The following DPY19L2 variants were observed in gnomAD, a reference collection of about 807,000 sequenced individuals.
DPY19L2 encodes probable C-mannosyltransferase DPY19L2.
In DPY19L2, 34 loss-of-function variants were observed where a neutral mutation model predicts 97.9. That is an observed-to-expected ratio of 0.35 (90% confidence interval 0.26 to 0.46). The LOEUF is 0.46. Among genes scored for constraint, DPY19L2 ranks in the 20% least tolerant of loss-of-function variants. The pLI is 1.00. For synonymous variants in DPY19L2, 230 were observed against 307.9 expected (o/e 0.75, Z 2.65); for missense variants, 623 against 911.4 (o/e 0.68, Z 4.07).
chr12:63,630,669 G>A (rs1890447830), intron 6 of DPY19L2, among the ~76,000 whole-genome samples: 1 of 151,748 alleles, frequency 6.6e-6, no homozygotes, highest in Non-Finnish European at 1.5e-5. Flanking sequence ...GAGACAGAAA[G>A]TTAACAAGGA....
intron 3 of DPY19L2, among the ~76,000 whole-genome samples, chr12:63,663,255 A>G (rs1189066668): frequency 1.3e-5 from 2 of 152,148 alleles, no homozygotes; most frequent in African/African-American, 2.4e-5. Context: ...TCCTCACAAT[A>G]ATTATGTGAG....
At chr12:63,621,631 C>G (rs1028729585) in intron 8 of DPY19L2, among the ~76,000 whole-genome samples, 5 of 152,114 alleles carry the variant, frequency 3.3e-5, no homozygotes, top group Non-Finnish European at 7.4e-5. Flanking sequence ...TTTATTACTC[C>G]AGCAAGGAGG....
chr12:63,585,338 T>C (rs118189396), intron 16 of DPY19L2, among the ~76,000 whole-genome samples: 4,494 of 152,250 alleles, frequency 0.03, 104 homozygotes, highest in Middle Eastern at 0.082. Context: ...CAGAGACTCA[T>C]AGGTTTTTTA....
Position 63,668,234 on chromosome 12 carries a change from A to G in DPY19L2, c.160T>C (p.Ser54Pro), listed in dbSNP as rs1275192442. Residue 54 changes from serine (S) to proline (P), a missense_variant, in exon 1 of 22, where the codon TCC (serine) becomes CCC (proline). Ser to Pro is a moderately conservative substitution (Grantham distance 74). Transcript: ENST00000324472. ...GGKLPRGSWRSSPGRIQSLKE... is the reference protein window; with the variant it reads ...GGKLPRGSWRPSPGRIQSLKE... ...AGACTTTGGATCCTCCCCGGGGAGG[A>G]CCTCCAGGAGCCCCTTGGCAGTTTC... The G allele has an allele frequency of 1.9e-6, 3 of 1,612,580 alleles. No homozygotes were observed. Among genetic ancestry groups the G allele is most frequent in the African/African-American group, 1.3e-5 (1 of 74,426 alleles).
chr12:63,579,673 G>A (rs2137352042), intron 19 of DPY19L2, among the ~76,000 whole-genome samples: 1 of 152,254 alleles, frequency 6.6e-6, no homozygotes, highest in East Asian at 1.9e-4. Context: ...AGTAAAGAAA[G>A]GGAGTGATTA....
chr12:63,655,744 C>CG (rs74902711), intron 4 of DPY19L2, among the ~76,000 whole-genome samples: 38,325 of 144,396 alleles, frequency 0.27, 5,095 homozygotes, highest in East Asian at 0.47. Flanking sequence ...AAGGAAGGGT[C>CG]GGGGGGTGGG....
At chr12:63,649,649 A>G (rs1314992733) in intron 4 of DPY19L2, among the ~76,000 whole-genome samples, 1 of 152,152 alleles carries the variant, frequency 6.6e-6, no homozygotes, top group Non-Finnish European at 1.5e-5. Context: ...AACCCTGAAT[A>G]GACCAATAAC....
In DPY19L2 at chr12:63,668,345, T is replaced by C; in HGVS notation, c.49A>G (p.Ser17Gly). The change falls in exon 1 of 22, where the codon AGC becomes GGC. Residue 17 changes from serine to glycine, a missense_variant. This residue lies in a region of DPY19L2 where 144 missense variants were observed against 119.4 expected (regional missense o/e 1.21). Transcript: ENST00000324472. The part of the protein sequence containing the change: ...SSKRLQSSGR[S>G]QSKGRRGASL... ...GCCCCGCGCCGCCCCTTAGACTGGCTGCGGCCGGAAGATTGCAGCCGCTTT... is the reference window on the plus strand; with the variant it reads ...GCCCCGCGCCGCCCCTTAGACTGGCCGCGGCCGGAAGATTGCAGCCGCTTT... 1 of 1,613,546 alleles carries C rather than the reference T, an allele frequency of 6.2e-7. No homozygotes were observed. The highest frequency in any genetic ancestry group is 8.5e-7 in the Non-Finnish European group (1 of 1,179,862).
At chr12:63,568,010 C>CT (rs1328848261) in intron 21 of DPY19L2, among the ~76,000 whole-genome samples, 3 of 151,838 alleles carry the variant, frequency 2.0e-5, no homozygotes, top group Non-Finnish European at 4.4e-5. Context: ...TAGCGGATCT[C>CT]TAAGTTAGTA....
chr12:63,635,425 G>C (rs534656612), intron 6 of DPY19L2, among the ~76,000 whole-genome samples: 1 of 152,158 alleles, frequency 6.6e-6, no homozygotes, highest in Non-Finnish European at 1.5e-5. Flanking sequence ...AGCAAAGCTG[G>C]AAGGAGAATG....
intron 16 of DPY19L2, chr12:63,591,219 C>T (rs55743108): frequency 0.12 from 42,875 of 365,024 alleles, 2,885 homozygotes; most frequent in East Asian, 0.25. Context: ...CTTCTGACAA[C>T]CATACACAGC....
At chr12:63,609,933 T>C (rs1045603213) in intron 11 of DPY19L2, among the ~76,000 whole-genome samples, 3 of 152,052 alleles carry the variant, frequency 2.0e-5, no homozygotes, top group Admixed American at 2.0e-4. Flanking sequence ...AGATGATTCA[T>C]TGCAACATTG....
chr12:63,602,555 G>A (rs1467218598), intron 12 of DPY19L2, among the ~76,000 whole-genome samples: 1 of 152,034 alleles, frequency 6.6e-6, no homozygotes, highest in Non-Finnish European at 1.5e-5. Flanking sequence ...AAGGATCCAG[G>A]GGGTACTGGA....
At chr12:63,592,899 G>A (rs1883394095) in intron 16 of DPY19L2, among the ~76,000 whole-genome samples, 1 of 151,694 alleles carries the variant, frequency 6.6e-6, no homozygotes, top group African/African-American at 2.4e-5. Flanking sequence ...ATCTGACAAA[G>A]GGCTAATATC....
upstream of DPY19L2, chr12:63,668,571 C>A: frequency 1.5e-6 from 1 of 667,892 alleles, no homozygotes; most frequent in Non-Finnish European, 2.5e-6. Flanking sequence ...CGTTGGAAGC[C>A]ATTCGCGCGG....
rs1368140076 is a variant in DPY19L2 at position 63,569,339 on chromosome 12, T to C, written c.2011A>G (p.Lys671Glu). ...CGACTATATGTAGAATAAACTATTTTTGTCCGAGCCCTTTAAATTTAAACA... is the reference window on the plus strand; with the variant it reads ...CGACTATATGTAGAATAAACTATTTCTGTCCGAGCCCTTTAAATTTAAACA... ...YEDADLRART[K>E]IVYSTYSRKS... The change falls in exon 21 of 22, where the codon AAA (lysine) becomes GAA (glutamate). Residue 671 changes from lysine to glutamate, a missense_variant. Transcript: ENST00000324472. 1.9e-6 allele frequency: 3 copies of C among 1,590,940 alleles called. No individual in the cohort carries two copies. Among genetic ancestry groups the C allele is most frequent in the Non-Finnish European group, 2.6e-6 (3 of 1,170,050 alleles).
intron 2 of DPY19L2, among the ~76,000 whole-genome samples, chr12:63,664,094 T>C (rs1896032399): frequency 6.6e-6 from 1 of 152,062 alleles, no homozygotes; most frequent in Non-Finnish European, 1.5e-5. Context: ...CCCAGCACTT[T>C]GGGAGCCCGA....
intron 19 of DPY19L2, among the ~76,000 whole-genome samples, chr12:63,578,449 G>A (rs1565707613): frequency 6.6e-6 from 1 of 152,060 alleles, no homozygotes; most frequent in Non-Finnish European, 1.5e-5. Context: ...AAAAATAACT[G>A]AGAGAGTATA....
chr12:63,661,533 T>C (rs753620120), intron 3 of DPY19L2, 52 bp from the exon 4 acceptor site: 1 of 1,339,110 alleles, frequency 7.5e-7, no homozygotes. Flanking sequence ...CTTTAAAATA[T>C]TTATTTTTAT....
Sources: gnomAD v4.1 joint callset for allele counts (sites outside exome capture counted in the v4.1 genomes callset) on GRCh38, gnomAD v4.1.1 for gene constraint, gnomAD v4.1.1 regional missense constraint, MANE v1.5 for transcripts, NCBI Gene and HGNC (gene_info 2026-07-23, HGNC 2026-07-21) for gene names.